The following PAX7 variants were observed in gnomAD, a reference collection of about 807,000 sequenced individuals.
PAX7 encodes paired box protein Pax-7.
A neutral mutation model predicts 50.7 loss-of-function variants in PAX7; 18 were observed. That is an observed-to-expected ratio of 0.36 (90% CI 0.25 to 0.53). The LOEUF is 0.53. Ranked by LOEUF, PAX7 falls within the 20% of genes least tolerant of loss-of-function variation. The probability of loss-of-function intolerance (pLI) is 0.93; values close to 1 mark genes in which losing one functional copy is unlikely to be tolerated. For synonymous variants in PAX7, 310 were observed against 290.4 expected (o/e 1.07, Z -0.69); for missense variants, 644 against 702.9 (o/e 0.92, Z 0.95).
At chr1:18,646,714 G>C (rs1008454620) in intron 4 of PAX7, among the ~76,000 whole-genome samples, 3 of 151,994 alleles carry the variant, frequency 2.0e-5, no homozygotes, top group Admixed American at 6.5e-5. Flanking sequence ...AGAGGCGAAT[G>C]CCTGGTGGCG....
chr1:18,736,071 TCTC>T, intron 8 of PAX7, 193 bp downstream of exon 8: 1 of 1,059,652 alleles, frequency 9.4e-7, no homozygotes, highest in Non-Finnish European at 1.4e-6. Context: ...ACCCAGGACA[TCTC>T]CTGGCTAAGC....
chr1:18,710,459 T>A (rs2089336482), intron 7 of PAX7, among the ~76,000 whole-genome samples: 1 of 152,038 alleles, frequency 6.6e-6, no homozygotes. Context: ...TGAGTCTTGC[T>A]GGACCAGGGA....
intron 5 of PAX7, among the ~76,000 whole-genome samples, chr1:18,699,139 C>A (rs1027336929): frequency 1.1e-4 from 17 of 152,290 alleles, no homozygotes; most frequent in African/African-American, 3.4e-4. Context: ...ACAAGTATTC[C>A]TTGAACACTT....
chr1:18,632,990 G>T lies in PAX7; in HGVS notation c.85+1302G>T, dbSNP rs2088081330. Among the ~76,000 whole-genome samples, 1 of 152,220 alleles carries T rather than the reference G, an allele frequency of 6.6e-6. No individual in the cohort carries two copies. The highest frequency in any genetic ancestry group is 2.4e-5 in the African/African-American group (1 of 41,460). ...AGAATACTGAGGAGAGCCGAGTGCC[G>T]GTCGCTAAAGAGGCTCTTGAATATA... On this transcript the variant is annotated intron_variant, in intron 1 of 8. Transcript: ENST00000420770. The surrounding 1 kb of genome is among the most constrained non-coding windows in gnomAD (Gnocchi z 6.3).
intron 8 of PAX7, among the ~76,000 whole-genome samples, chr1:18,744,216 C>T (rs1342905707): frequency 2.0e-5 from 3 of 152,164 alleles, no homozygotes; most frequent in African/African-American, 7.2e-5. Context: ...TCATCATTAC[C>T]TGCACTCAGG....
At chr1:18,729,271 T>C (rs977410134) in intron 7 of PAX7, among the ~76,000 whole-genome samples, 15 of 152,124 alleles carry the variant, frequency 9.9e-5, no homozygotes, top group African/African-American at 3.4e-4. Flanking sequence ...ACCTGAGGCT[T>C]GGAGATGAAA....
intron 7 of PAX7, among the ~76,000 whole-genome samples, chr1:18,720,077 A>G (rs921126056): frequency 6.6e-6 from 1 of 152,276 alleles, no homozygotes. Flanking sequence ...CTCTCCTCCA[A>G]GCTGGGCTGC....
intron 4 of PAX7, among the ~76,000 whole-genome samples, chr1:18,674,302 C>T (rs950971757): frequency 3.3e-5 from 5 of 152,168 alleles, no homozygotes; most frequent in Non-Finnish European, 7.3e-5. Flanking sequence ...GGTAGGTGTC[C>T]GGTGTGGTTC....
rs1012865374 is a variant in PAX7, at chr1:18,726,465, C to T, written c.1156-9167C>T. Among the ~76,000 whole-genome samples the T allele has an allele frequency of 6.6e-6, 1 of 152,214 alleles. No individual in the cohort carries two copies. The highest frequency in any genetic ancestry group is 6.5e-5 in the Admixed American group (1 of 15,282). ...TGTTTATTGGGTGCCTTCTGTGTCC[C>T]AGGCACTGGGAATAAGACGCCAAGT... On this transcript the variant is annotated intron_variant, in intron 7 of 8. Coordinates refer to ENST00000420770, the MANE Select transcript of PAX7 (RefSeq NM_001135254.2). This position sits in a 1 kb window ranked among gnomAD's most constrained non-coding sequence, Gnocchi z 4.8.
At chr1:18,646,880 G>A (rs2088349264) in intron 4 of PAX7, among the ~76,000 whole-genome samples, 1 of 149,362 alleles carries the variant, frequency 6.7e-6, no homozygotes, top group South Asian at 2.2e-4. Context: ...GGGGCGGCGC[G>A]GGGCGGCGCG....
At chr1:18,699,950 C>T (rs1403503980) in intron 5 of PAX7, among the ~76,000 whole-genome samples, 1 of 152,066 alleles carries the variant, frequency 6.6e-6, no homozygotes, top group Non-Finnish European at 1.5e-5. Context: ...CCTTGGTTTC[C>T]CCTTCTGTAA....
chr1:18,635,409 T>G (rs2088134873), intron 3 of PAX7, among the ~76,000 whole-genome samples, 169 bp downstream of exon 3: 1 of 143,342 alleles, frequency 7.0e-6, no homozygotes, highest in Admixed American at 7.1e-5. Context: ...TAGGAGTAAA[T>G]CAAAACAGAA....
chr1:18,727,802 C>T (rs900319593), intron 7 of PAX7, among the ~76,000 whole-genome samples: 25 of 152,142 alleles, frequency 1.6e-4, no homozygotes, highest in Admixed American at 4.6e-4. Flanking sequence ...CTTGCCCACA[C>T]GGCAGGTGCA....
intron 7 of PAX7, among the ~76,000 whole-genome samples, chr1:18,724,327 A>G (rs1161566961): frequency 1.3e-5 from 2 of 152,226 alleles, no homozygotes; most frequent in Non-Finnish European, 2.9e-5. Context: ...CTGCAGAGGC[A>G]GCTGGTGAAG....
chr1:18,731,081 A>G (rs568074028), intron 7 of PAX7, among the ~76,000 whole-genome samples: 38 of 152,330 alleles, frequency 2.5e-4, no homozygotes, highest in Admixed American at 4.6e-4. Context: ...AAGAAGTAAT[A>G]CATTAGTGAA....
At chr1:18,713,419 G>A (rs145188459) in intron 7 of PAX7, among the ~76,000 whole-genome samples, 84 of 152,302 alleles carry the variant, frequency 5.5e-4, no homozygotes, top group African/African-American at 1.1e-3. Flanking sequence ...TGGGCAACCC[G>A]CAGGCATACA....
chr1:18,672,853 C>T (rs1298554517), intron 4 of PAX7, among the ~76,000 whole-genome samples: 2 of 152,116 alleles, frequency 1.3e-5, no homozygotes, highest in Non-Finnish European at 2.9e-5. Context: ...ATCTGCCTGC[C>T]TCAGCCTCCG....
chr1:18,650,083 G>A (rs2088408389), intron 4 of PAX7, among the ~76,000 whole-genome samples: 1 of 152,198 alleles, frequency 6.6e-6, no homozygotes, highest in Non-Finnish European at 1.5e-5. Context: ...GGGAGGCAGG[G>A]CTTTGTCCTG....
chr1:18,644,348 A>G (rs963132074), intron 4 of PAX7, among the ~76,000 whole-genome samples: 4 of 152,216 alleles, frequency 2.6e-5, no homozygotes, highest in Admixed American at 2.6e-4. Flanking sequence ...ATATCACTCT[A>G]GACAACCCAT....
Sources: allele counts gnomAD v4.1 joint callset (sites outside exome capture counted in the v4.1 genomes callset), GRCh38; gene constraint gnomAD v4.1.1; non-coding constraint Gnocchi (gnomAD v3.1); transcripts MANE v1.5; gene names NCBI Gene and HGNC (gene_info 2026-07-23, HGNC 2026-07-21).